PPIP5K2: variants seen among roughly 807,000 people sequenced by gnomAD.
PPIP5K2 encodes inositol hexakisphosphate and diphosphoinositol-pentakisphosphate kinase 2.
In PPIP5K2, 105 loss-of-function variants were observed where a neutral mutation model predicts 154.6. The ratio of observed to expected loss-of-function variants is 0.68; its 90% CI spans 0.58 to 0.80. The LOEUF is 0.80. PPIP5K2 is among the 30% of genes least tolerant of loss of function. The probability of loss-of-function intolerance (pLI) is 0.00; values close to 1 mark genes in which losing one functional copy is unlikely to be tolerated. For synonymous variants in PPIP5K2, 480 were observed against 490.3 expected (o/e 0.98, Z 0.28); for missense variants, 992 against 1,504.6 (o/e 0.66, Z 5.64).
intron 16 of PPIP5K2, among the ~76,000 whole-genome samples, chr5:103,158,798 T>A (rs764039603): frequency 1.1e-4 from 16 of 151,754 alleles, no homozygotes; most frequent in Non-Finnish European, 1.8e-4. Flanking sequence ...GTGTAGTGGT[T>A]CACACCTGTA....
At chr5:103,152,554 AGTTT>A (rs782075908) in intron 9 of PPIP5K2, 90 bp from the exon 10 acceptor site, 4 of 695,446 alleles carry the variant, frequency 5.8e-6, no homozygotes, top group Non-Finnish European at 9.9e-6. Context: ...ATCACTAGAT[AGTTT>A]AACTCTTATG....
rs1217226394 is a variant in PPIP5K2 at position 103,208,845 on chromosome 5, G to C, written c.*7211G>C. 1 of 152,058 alleles carries C rather than the reference G, an allele frequency of 6.6e-6. No individual in the cohort carries two copies. The highest frequency in any genetic ancestry group is 1.5e-5 in the Non-Finnish European group (1 of 68,014). The allele number at this position is 152,058 out of a possible 1,614,324, so 9.4% of individuals were successfully genotyped here. A position where few individuals can be genotyped will look rare whatever the true frequency, so the allele number is the denominator to read the frequency against. On this transcript the variant is annotated 3_prime_UTR_variant, in exon 31 of 31. Coordinates refer to ENST00000358359, the MANE Select transcript of PPIP5K2 (RefSeq NM_001276277.3). ...CTCCTATTTTGGGGTTGAGGTTAAA[G>C]TGTCTTCTAGTTTTGTTGAAGATAG...
At chr5:103,176,888 A>T in intron 21 of PPIP5K2, 1 of 1,447,960 alleles carries the variant, frequency 6.9e-7, no homozygotes, top group African/African-American at 1.4e-5. Flanking sequence ...CAGAATGAAG[A>T]TGGAGGAATG....
intron 17 of PPIP5K2, among the ~76,000 whole-genome samples, chr5:103,165,426 G>T (rs959775144): frequency 7.9e-5 from 12 of 151,758 alleles, no homozygotes; most frequent in Non-Finnish European, 1.5e-4. Flanking sequence ...TGCTCATTAT[G>T]AAAAAACTAT....
chr5:103,146,704 A>G (rs782720326), intron 6 of PPIP5K2, 23 bp downstream of exon 6: 24 of 1,578,148 alleles, frequency 1.5e-5, no homozygotes, highest in Middle Eastern at 1.7e-4. Flanking sequence ...TAACTTTTGT[A>G]TGAATACTCT....
chr5:103,173,613 C>A (rs1351217802), intron 20 of PPIP5K2, among the ~76,000 whole-genome samples: 1 of 151,956 alleles, frequency 6.6e-6, no homozygotes, highest in African/African-American at 2.4e-5. Flanking sequence ...AACCTATTTA[C>A]AGTGTACTTG....
At chr5:103,146,801 G>A in intron 6 of PPIP5K2, 120 bp downstream of exon 6, 1 of 836,558 alleles carries the variant, frequency 1.2e-6, no homozygotes, top group Non-Finnish European at 1.7e-6. Context: ...ATCATTTAGA[G>A]GTAAATTTAT....
At chr5:103,127,674 G>A (rs1201416122) in intron 1 of PPIP5K2, among the ~76,000 whole-genome samples, 1 of 152,134 alleles carries the variant, frequency 6.6e-6, no homozygotes, top group Non-Finnish European at 1.5e-5. Flanking sequence ...AGTCTTTACA[G>A]GGTTACAGGG....
intron 19 of PPIP5K2, among the ~76,000 whole-genome samples, chr5:103,172,346 A>G (rs1798095860): frequency 6.6e-6 from 1 of 150,734 alleles, no homozygotes; most frequent in Non-Finnish European, 1.5e-5. Flanking sequence ...TTTGAGATCT[A>G]TTGTCTGTAC....
chr5:103,141,939 C>T (rs1792768076), intron 5 of PPIP5K2, among the ~76,000 whole-genome samples: 1 of 152,232 alleles, frequency 6.6e-6, no homozygotes, highest in Non-Finnish European at 1.5e-5. Context: ...CTCTCCACCT[C>T]CCCACCAGAC....
At chr5:103,186,187 T>C in intron 26 of PPIP5K2, 133 bp from the exon 27 acceptor site, 5 of 1,031,584 alleles carry the variant, frequency 4.8e-6, no homozygotes, top group Non-Finnish European at 7.2e-6. Flanking sequence ...ACAAGAATAT[T>C]GTGAGCCTGT....
chr5:103,188,934 C>G, intron 28 of PPIP5K2: 1 of 380,892 alleles, frequency 2.6e-6, no homozygotes, highest in East Asian at 3.9e-5. Context: ...ACAAATATTT[C>G]TTTTGAGTTT....
intron 3 of PPIP5K2, among the ~76,000 whole-genome samples, chr5:103,134,447 T>G (rs1489225055): frequency 1.3e-5 from 2 of 152,198 alleles, no homozygotes; most frequent in Non-Finnish European, 2.9e-5. Context: ...TATGTTCTCC[T>G]GAGCTATGTT....
chr5:103,159,984 T>G (rs1013021739), intron 17 of PPIP5K2, among the ~76,000 whole-genome samples: 3 of 152,172 alleles, frequency 2.0e-5, no homozygotes, highest in African/African-American at 7.2e-5. Context: ...TAAGTTTAAC[T>G]TTTTTAGATT....
At chr5:103,166,207 C>G (rs1554217823) in intron 17 of PPIP5K2, among the ~76,000 whole-genome samples, 1 of 152,030 alleles carries the variant, frequency 6.6e-6, no homozygotes, top group Non-Finnish European at 1.5e-5. Context: ...TGCTTGCTGA[C>G]TTTCTGGAGT....
intron 1 of PPIP5K2, among the ~76,000 whole-genome samples, chr5:103,123,766 T>A (rs1460056321): frequency 6.6e-6 from 1 of 152,194 alleles, no homozygotes; most frequent in Non-Finnish European, 1.5e-5. Context: ...ATAGAAGGAA[T>A]TCTAAAAATA....
chr5:103,168,296 G>A lies in PPIP5K2; in HGVS notation c.2286+1G>A. On this transcript the variant is annotated splice_donor_variant, in intron 19 of 30. Transcript: ENST00000358359. LOFTEE classifies it high-confidence loss of function. ...ATTAGCAGATATTGTTATCCCTCAGGTAAGTCATTCTTAAGAATCAATTTC... is the reference window on the plus strand; with the variant it reads ...ATTAGCAGATATTGTTATCCCTCAGATAAGTCATTCTTAAGAATCAATTTC... 1.9e-6 allele frequency: 3 copies of A among 1,571,774 alleles called. No individual in the cohort carries two copies. The highest frequency in any genetic ancestry group is 2.6e-6 in the Non-Finnish European group (3 of 1,149,248).
In PPIP5K2 at chr5:103,194,944, T is replaced by C. The variant is rs534450696; in HGVS notation, c.3538T>C (p.Ser1180Pro). 1.2e-6 allele frequency: 2 copies of C among 1,613,550 alleles called. No homozygotes were observed. Among genetic ancestry groups the C allele is most frequent in the African/African-American group, 2.7e-5 (2 of 75,016 alleles). The part of the protein sequence containing the change: ...RSSPIMRKKV[S>P]LNTYTPAKIL... ...CAGTCCAATAATGAGAAAAAAAGTA[T>C]CTTTAAATACGTATACACCTGCAAA... is the stretch of plus-strand genomic sequence containing the variant. The change falls in exon 30 of 31, where the codon TCT becomes CCT. Residue 1180 changes from serine to proline, a missense_variant. Transcript: ENST00000358359.
chr5:103,148,235 T>C (rs1234244622), intron 7 of PPIP5K2: 2 of 607,516 alleles, frequency 3.3e-6, no homozygotes, highest in East Asian at 3.3e-5. Flanking sequence ...TTTTAAATGC[T>C]TTAAACATGT....
Sources: allele counts gnomAD v4.1 joint callset (sites outside exome capture counted in the v4.1 genomes callset), GRCh38; gene constraint gnomAD v4.1.1; transcripts MANE v1.5; gene names NCBI Gene and HGNC (gene_info 2026-07-23, HGNC 2026-07-21).